The following RIC1 variants were observed in gnomAD, a reference collection of about 807,000 sequenced individuals.
RIC1 encodes the protein RIC1 partner of RAB6A GEF complex, also known as guanine nucleotide exchange factor subunit RIC1.
RIC1 carries 88 observed loss-of-function variants against 169.0 expected under a neutral mutation model. The observed-to-expected ratio is 0.52, with a 90% CI of 0.44 to 0.62. The LOEUF is 0.62. Among genes scored for constraint, RIC1 ranks in the 20% least tolerant of loss-of-function variants. The pLI is 0.00. For missense variants in RIC1, 1,877 were observed against 1,725.5 expected (o/e 1.09, Z -1.56); for synonymous variants, 790 against 601.5 (o/e 1.31, Z -4.59).
chr9:5,703,070 C>T (rs112026948), intron 3 of RIC1, among the ~76,000 whole-genome samples: 1 of 152,168 alleles, frequency 6.6e-6, no homozygotes, highest in African/African-American at 2.4e-5. Context: ...ATTTAAAATA[C>T]AATCATGCCT....
intron 2 of RIC1, among the ~76,000 whole-genome samples, chr9:5,681,695 C>T (rs141791696): frequency 6.6e-6 from 1 of 152,104 alleles, no homozygotes; most frequent in African/African-American, 2.4e-5. Flanking sequence ...TCCTGGATAT[C>T]CTTGTTAACT....
rs531162364 is a variant in RIC1 at position 5,775,989 on chromosome 9, A to G, written c.*1743A>G. On this transcript the variant is annotated 3_prime_UTR_variant, in exon 26 of 26. Transcript: ENST00000414202. The stretch of plus-strand genomic sequence containing the variant: ...CTCTCTTCTCCTATCCTAGTCCATT[A>G]AGGAGAAGAACCAGCATTGCTTTTG... 1 of 152,274 alleles carries G rather than the reference A, an allele frequency of 6.6e-6. No homozygotes were observed. The highest frequency in any genetic ancestry group is 2.1e-4 in the South Asian group (1 of 4,826). 9.4% of individuals were successfully genotyped at this position (152,274 alleles called of 1,614,324 possible).
chr9:5,771,145 G>T (rs912214099), intron 23 of RIC1, among the ~76,000 whole-genome samples: 1 of 152,114 alleles, frequency 6.6e-6, no homozygotes, highest in African/African-American at 2.4e-5. Flanking sequence ...ACATTGTTCT[G>T]CAATCAGCCT....
chr9:5,767,587 T>G (rs1432232740), intron 21 of RIC1, among the ~76,000 whole-genome samples: 6 of 152,138 alleles, frequency 3.9e-5, no homozygotes, highest in African/African-American at 1.4e-4. Flanking sequence ...CATGTTTTAC[T>G]GGGTTTTTTT....
In RIC1 at chr9:5,753,189, A is replaced by G. The variant is rs1179020624; in HGVS notation, c.1453-11A>G. 3 of 1,608,186 alleles carry G rather than the reference A, an allele frequency of 1.9e-6. No homozygotes were observed. Among genetic ancestry groups the G allele is most frequent in the Non-Finnish European group, 1.7e-6 (2 of 1,174,726 alleles). On this transcript the variant is annotated splice_polypyrimidine_tract_variant and intron_variant, in intron 12 of 25. Transcript: ENST00000414202. The stretch of plus-strand genomic sequence containing the variant: ...ATAAGTTTTACCAATCTGATGTGTT[A>G]TTTTCTATAGATTTCCAGCACCTAT...
chr9:5,764,523 C>G (rs1302988000), intron 19 of RIC1, among the ~76,000 whole-genome samples: 2 of 152,170 alleles, frequency 1.3e-5, no homozygotes, highest in East Asian at 3.8e-4. Context: ...AAGATTCTTT[C>G]CAGTTACTGC....
chr9:5,734,608 T>A (rs1316955282), intron 7 of RIC1, among the ~76,000 whole-genome samples: 1 of 149,370 alleles, frequency 6.7e-6, no homozygotes, highest in African/African-American at 2.5e-5. Context: ...TTCATAGTTT[T>A]AACGTTGTAG....
chr9:5,637,133 C>G (rs887120592), intron 1 of RIC1, among the ~76,000 whole-genome samples: 1 of 152,148 alleles, frequency 6.6e-6, no homozygotes, highest in Non-Finnish European at 1.5e-5. Context: ...AATCTCAGCT[C>G]ACTGCAATCT....
At chr9:5,708,880 A>G (rs1049487221) in intron 3 of RIC1, among the ~76,000 whole-genome samples, 1 of 151,782 alleles carries the variant, frequency 6.6e-6, no homozygotes, top group African/African-American at 2.4e-5. Context: ...GGTATTTATG[A>G]TGTTGTTCCC....
chr9:5,727,795 T>G (rs1824091352), intron 6 of RIC1, among the ~76,000 whole-genome samples: 1 of 152,234 alleles, frequency 6.6e-6, no homozygotes, highest in Admixed American at 6.5e-5. Flanking sequence ...TGTTGGAGTT[T>G]GCTGGAGGTC....
chr9:5,747,601 C>T lies in RIC1; in HGVS notation c.1452+96C>T, dbSNP rs927878244. On this transcript the variant is annotated intron_variant, in intron 12 of 25. Transcript: ENST00000414202. ...TATTTCATCTGTTAACTTCAGGCAA[C>T]TGAGAATCCTTTTAACCATTTTGTC... 69 of 1,099,246 alleles carry T rather than the reference C, an allele frequency of 6.3e-5. No homozygotes were observed. The African/African-American group carries it at 9.8e-4, about 16-fold the overall frequency. The allele number at this position is 1,099,246 out of a possible 1,614,324, so 68.1% of individuals were successfully genotyped here. A position where few individuals can be genotyped will look rare whatever the true frequency, so the allele number is the denominator to read the frequency against.
intron 3 of RIC1, 75 bp downstream of exon 3, chr9:5,690,113 G>C (rs1451774057): frequency 4.2e-6 from 4 of 961,868 alleles, no homozygotes; most frequent in Non-Finnish European, 4.6e-6. Flanking sequence ...ACAGTTTTGA[G>C]TTGTCTGTAG....
chr9:5,654,112 C>T (rs908310909), intron 1 of RIC1, among the ~76,000 whole-genome samples: 1 of 152,066 alleles, frequency 6.6e-6, no homozygotes, highest in Non-Finnish European at 1.5e-5. Context: ...CAATCTCCCA[C>T]TTCAGCCTCC....
chr9:5,777,431 G>C (rs970600403), downstream of RIC1, among the ~76,000 whole-genome samples: 14 of 151,036 alleles, frequency 9.3e-5, no homozygotes, highest in Admixed American at 3.9e-4. Flanking sequence ...TGAGTGGTGA[G>C]AATACAACAG....
intron 2 of RIC1, among the ~76,000 whole-genome samples, chr9:5,675,097 CT>C (rs1272176986): frequency 4.0e-5 from 6 of 150,950 alleles, no homozygotes; most frequent in East Asian, 1.9e-4. Flanking sequence ...GGAAGGGGTT[CT>C]TATCCCTGAC....
At chr9:5,632,049 A>G (rs1817740590) in intron 1 of RIC1, among the ~76,000 whole-genome samples, 1 of 152,206 alleles carries the variant, frequency 6.6e-6, no homozygotes, top group Non-Finnish European at 1.5e-5. Context: ...TTATAATAAT[A>G]TGTGAAGATC....
rs1316309756 is a variant in RIC1 at position 5,775,388 on chromosome 9, T to A, written c.*1142T>A. ...ATTATGAAAACAACTGCATACTCCT[T>A]AATTGCTTTAAACACCCATCCACTG... On this transcript the variant is annotated 3_prime_UTR_variant, in exon 26 of 26. Transcript: ENST00000414202. The A allele has an allele frequency of 2.6e-5, 4 of 152,208 alleles. No individual in the cohort carries two copies. The highest frequency in any genetic ancestry group is 9.6e-5 in the African/African-American group (4 of 41,456). 9.4% of individuals were successfully genotyped at this position (152,208 alleles called of 1,614,324 possible). A position where few individuals can be genotyped will look rare whatever the true frequency, so the allele number is the denominator to read the frequency against.
intron 8 of RIC1, among the ~76,000 whole-genome samples, chr9:5,740,798 C>A (rs1023329068): frequency 3.9e-5 from 6 of 152,088 alleles, no homozygotes; most frequent in East Asian, 1.9e-4. Context: ...AGCACCCTCA[C>A]AGACACACCC....
intron 3 of RIC1, among the ~76,000 whole-genome samples, chr9:5,708,767 ACT>A (rs1044718369): frequency 1.3e-4 from 19 of 151,648 alleles, no homozygotes; most frequent in African/African-American, 3.9e-4. Flanking sequence ...TGGAAGAAAG[ACT>A]CTTGGCTTTC....
Sources: gnomAD v4.1 joint callset for allele counts (sites outside exome capture counted in the v4.1 genomes callset) on GRCh38, gnomAD v4.1.1 for gene constraint, MANE v1.5 for transcripts, NCBI Gene and HGNC (gene_info 2026-07-23, HGNC 2026-07-21) for gene names.